Variants in CIP2A observed in about 807,000 individuals in gnomAD.
CIP2A encodes cellular inhibitor of PP2A.
In CIP2A, 103 loss-of-function variants were observed where a neutral mutation model predicts 110.9. The observed-to-expected ratio is 0.93, with a 90% CI of 0.79 to 1.09. CIP2A has a LOEUF of 1.09. Ranked by LOEUF, CIP2A falls within the 50% of genes least tolerant of loss-of-function variation. CIP2A has a pLI of 0.00. For missense variants in CIP2A, 1,088 were observed against 1,038.4 expected, an observed-to-expected ratio of 1.05 and a Z score of -0.66; for synonymous variants, 381 against 361.6, an observed-to-expected ratio of 1.05 and a Z score of -0.61.
chr3:108,569,181 T>TATACATATATATATATATAC lies in CIP2A; in HGVS notation c.1113+207_1113+208insGTATATATATATATATGTAT. 6.9e-5 allele frequency among the ~76,000 whole-genome samples: 4 copies of TATACATATATATATATATAC among 58,274 alleles called. 1 individual carries two copies. Among genetic ancestry groups the TATACATATATATATATATAC allele is most frequent in the Non-Finnish European group, 1.6e-4 (4 of 25,564 alleles). The allele number at this position is 58,274 out of a possible 152,430, so 38.2% of individuals were successfully genotyped here. ...CTGAAATGAGCACTATATATATATA[T>TATACATATATATATATATAC]ACATACACACTACTCAGTGAAAAAA... On this transcript the variant is annotated intron_variant, in intron 9 of 20. Coordinates refer to ENST00000295746, the MANE Select transcript of CIP2A (RefSeq NM_020890.3).
chr3:108,563,441 C>A (rs1212404149), intron 12 of CIP2A, among the ~76,000 whole-genome samples, 197 bp from the exon 13 acceptor site: 1 of 151,944 alleles, frequency 6.6e-6, no homozygotes, highest in Non-Finnish European at 1.5e-5. Flanking sequence ...GCAATGCAAT[C>A]AATATGAACA....
At chr3:108,562,746 C>T (rs1190345198) in intron 13 of CIP2A, among the ~76,000 whole-genome samples, 1 of 152,018 alleles carries the variant, frequency 6.6e-6, no homozygotes, top group African/African-American at 2.4e-5. Flanking sequence ...ATGGATAACC[C>T]AGGCCTGGTC....
At position 108,560,606 on chromosome 3, in the gene CIP2A, T is replaced by C. The variant is rs764737012; in HGVS notation, c.1827+43A>G. 5.8e-5 allele frequency: 72 copies of C among 1,243,928 alleles called. No individual in the cohort carries two copies. In the Middle Eastern group the frequency reaches 1.3e-3, roughly 23 times the overall value. The allele number at this position is 1,243,928 out of a possible 1,614,324, so 77.1% of individuals were successfully genotyped here. ...ACACGTTATAATTGGGACTGACATA[T>C]AGCTAATATGTACCAGGTTATAATT... is the stretch of plus-strand genomic sequence containing the variant. On this transcript the variant is annotated intron_variant, in intron 14 of 20. Transcript: ENST00000295746.
intron 19 of CIP2A, 76 bp downstream of exon 19, chr3:108,553,572 A>G: frequency 1.6e-6 from 2 of 1,282,834 alleles, no homozygotes; most frequent in Non-Finnish European, 2.1e-6. Flanking sequence ...GAAAATAAAA[A>G]AGCAAACAAA....
chr3:108,588,148 T>C (rs1939140784), intron 1 of CIP2A, among the ~76,000 whole-genome samples: 1 of 152,168 alleles, frequency 6.6e-6, no homozygotes, highest in Non-Finnish European at 1.5e-5. Flanking sequence ...ACAAAATGCT[T>C]AACTCCCGAT....
chr3:108,569,168 C>CTATATA lies in CIP2A; in HGVS notation c.1113+215_1113+220dup, dbSNP rs1163991017. ...TTTACTTATTACACTGAAATGAGCA[C>CTATATA]TATATATATATATACATACACACTA... On this transcript the variant is annotated intron_variant, in intron 9 of 20. Transcript: ENST00000295746. 2.0e-3 allele frequency among the ~76,000 whole-genome samples: 22 copies of CTATATA among 11,090 alleles called. 8 individuals are homozygous for CTATATA. In the East Asian group the frequency reaches 0.041, roughly 21 times the overall value. 7.3% of individuals were successfully genotyped at this position (11,090 alleles called of 152,430 possible).
intron 9 of CIP2A, among the ~76,000 whole-genome samples, chr3:108,569,164 AGCAC>A (rs1938286636): frequency 8.5e-6 from 1 of 118,170 alleles, no homozygotes; most frequent in African/African-American, 3.2e-5. Context: ...CACTGAAATG[AGCAC>A]TATATATATA....
In CIP2A at chr3:108,579,314, A is replaced by G; in HGVS notation, c.785T>C (p.Leu262Pro). The G allele has an allele frequency of 1.2e-6, 2 of 1,610,814 alleles. No individual in the cohort carries two copies. Among genetic ancestry groups the G allele is most frequent in the Non-Finnish European group, 1.7e-6 (2 of 1,177,402 alleles). ...KYSVDLLMDLLKNPKIADYLT... is the reference protein window; with the variant it reads ...KYSVDLLMDLPKNPKIADYLT... ...ATAATCAGCAATTTTAGGATTCTTA[A>G]GGAGATCCATCAGTAGGTCAACTGA... Residue 262 changes from leucine to proline, a missense_variant, in exon 7 of 21, where the codon CTT becomes CCT. Physicochemically the swap from Leu to Pro is moderately conservative, Grantham distance 98. Coordinates refer to ENST00000295746, the MANE Select transcript of CIP2A (RefSeq NM_020890.3).
chr3:108,589,201 ACTC>A (rs2107385576), intron 1 of CIP2A, 70 bp downstream of exon 1: 1 of 1,116,240 alleles, frequency 9.0e-7, no homozygotes. Flanking sequence ...TGGGGCCGCC[ACTC>A]CTCGGCCTCA....
intron 8 of CIP2A, chr3:108,574,911 A>G (rs1380201195): frequency 1.3e-5 from 2 of 152,512 alleles, no homozygotes; most frequent in Non-Finnish European, 1.5e-5. Flanking sequence ...CTGGCTGCCC[A>G]AAGACCCACA....
chr3:108,579,604 A>C lies in CIP2A; in HGVS notation c.634T>G (p.Leu212Val), dbSNP rs1160673080. The C allele has an allele frequency of 6.3e-7, 1 of 1,599,416 alleles. No individual in the cohort carries two copies. The change falls in exon 6 of 21, where the codon TTA becomes GTA. Residue 212 changes from leucine to valine, a missense_variant. By Grantham distance (32) the Leu-to-Val change is conservative. Transcript: ENST00000295746. Reference sequence around the variant, plus strand: ...TCTTCATTTAATGTCAAACTGGATAATATTGAAAGTGCAAACACAACCACA... The same window carrying C: ...TCTTCATTTAATGTCAAACTGGATACTATTGAAAGTGCAAACACAACCACA... ...LTVVVFALSI[L>V]SSLTLNEEVG...
At chr3:108,556,232 T>C (rs375617004) in intron 17 of CIP2A, among the ~76,000 whole-genome samples, 66 of 152,196 alleles carry the variant, frequency 4.3e-4, no homozygotes, top group Non-Finnish European at 8.5e-4. Flanking sequence ...AATAAGCATA[T>C]GTACCATGCC....
chr3:108,572,159 T>C (rs916336446), intron 8 of CIP2A, among the ~76,000 whole-genome samples: 3 of 152,098 alleles, frequency 2.0e-5, no homozygotes, highest in Non-Finnish European at 4.4e-5. Flanking sequence ...ATTCTTTTAT[T>C]AGTGGTCTTT....
At chr3:108,584,910 T>C (rs1576320933) in intron 2 of CIP2A, 155 bp downstream of exon 2, 1 of 534,144 alleles carries the variant, frequency 1.9e-6, no homozygotes, top group Non-Finnish European at 3.1e-6. Flanking sequence ...TCGGTAGCTA[T>C]GACTTCCTCA....
At chr3:108,557,566 C>G (rs185822233) in intron 16 of CIP2A, 152 bp from the exon 17 acceptor site, 27 of 487,280 alleles carry the variant, frequency 5.5e-5, no homozygotes, top group Admixed American at 2.1e-4. Context: ...TAGGACTTTA[C>G]TTCTAATAAG....
intron 10 of CIP2A, among the ~76,000 whole-genome samples, chr3:108,567,624 T>C (rs1938231951): frequency 6.6e-6 from 1 of 151,954 alleles, no homozygotes; most frequent in African/African-American, 2.4e-5. Flanking sequence ...TTTAAATGAA[T>C]GAATTTGTGT....
At chr3:108,553,921 G>A (rs970612929) in intron 18 of CIP2A, among the ~76,000 whole-genome samples, 191 bp from the exon 19 acceptor site, 8 of 52,092 alleles carry the variant, frequency 1.5e-4, no homozygotes, top group Admixed American at 8.5e-4. Context: ...AAAAAAAAAG[G>A]TCTCGTTCTG....
intron 14 of CIP2A, 82 bp downstream of exon 14, chr3:108,560,567 G>A (rs942865867): frequency 4.0e-6 from 3 of 754,034 alleles, no homozygotes; most frequent in Non-Finnish European, 6.3e-6. Flanking sequence ...ATCTGTACCT[G>A]ACAGTGTTTA....
intron 7 of CIP2A, among the ~76,000 whole-genome samples, chr3:108,578,181 C>T (rs1938746962): frequency 6.6e-6 from 1 of 152,168 alleles, no homozygotes; most frequent in Non-Finnish European, 1.5e-5. Flanking sequence ...GATTAAGCTA[C>T]CTCTTATTAA....
Sources: allele counts gnomAD v4.1 joint callset (sites outside exome capture counted in the v4.1 genomes callset), GRCh38; gene constraint gnomAD v4.1.1; transcripts MANE v1.5; gene names NCBI Gene and HGNC (gene_info 2026-07-23, HGNC 2026-07-21).